The following IL6R variants were observed in gnomAD, a reference collection of about 807,000 sequenced individuals.
The protein encoded by IL6R is interleukin-6 receptor subunit alpha.
A neutral mutation model predicts 48.3 loss-of-function variants in IL6R; 38 were observed. The ratio of observed to expected loss-of-function variants is 0.79; its 90% CI spans 0.61 to 1.03. The LOEUF (loss-of-function observed/expected upper bound fraction) is 1.03, where lower values mean the gene tolerates loss of function less well. IL6R is among the 50% of genes least tolerant of loss of function. IL6R has a pLI of 0.00. For synonymous variants in IL6R, 264 were observed against 256.2 expected, an observed-to-expected ratio of 1.03 and a Z score of -0.29; for missense variants, 534 against 618.3, an observed-to-expected ratio of 0.86 and a Z score of 1.45.
chr1:154,458,741 A>G (rs1557781823), intron 9 of IL6R, among the ~76,000 whole-genome samples: 1 of 152,104 alleles, frequency 6.6e-6, no homozygotes, highest in Non-Finnish European at 1.5e-5. Context: ...TCTCTACTAA[A>G]AATACAAAAA....
chr1:154,437,207 C>T (rs1484025628), intron 6 of IL6R, among the ~76,000 whole-genome samples: 8 of 152,156 alleles, frequency 5.3e-5, no homozygotes, highest in Non-Finnish European at 1.0e-4. Flanking sequence ...TGCCATTCTC[C>T]TGCCTCAGCC....
chr1:154,436,239 C>T (rs1301588462), intron 6 of IL6R, 129 bp downstream of exon 6: 8 of 1,028,176 alleles, frequency 7.8e-6, no homozygotes, highest in Non-Finnish European at 1.1e-5. Flanking sequence ...ACCTGTAATC[C>T]CAGCACTTTG....
intron 9 of IL6R, among the ~76,000 whole-genome samples, chr1:154,459,683 A>G (rs1467645901): frequency 2.0e-5 from 3 of 152,136 alleles, no homozygotes; most frequent in Non-Finnish European, 4.4e-5. Flanking sequence ...TTTAAAATTT[A>G]AATATGCTAT....
In IL6R at chr1:154,465,365, C is replaced by T. The variant is rs2228147; in HGVS notation, c.1392C>T (p.Tyr464=). 302 of 1,614,180 alleles carry T rather than the reference C, an allele frequency of 1.9e-4. 1 individual carries two copies. The African/African-American group carries it at 3.5e-3, about 19-fold the overall frequency. The change falls in exon 10 of 10, where the codon TAC becomes TAT. Residue 464 remains tyrosine (Y), a synonymous_variant. Transcript: ENST00000368485. ...RSPYDISNTD[Y]FFPR Reference sequence around the variant, plus strand: ...CTTATGACATCAGCAATACAGACTACTTCTTCCCCAGATAGCTGGCTGGGT... The same window carrying T: ...CTTATGACATCAGCAATACAGACTATTTCTTCCCCAGATAGCTGGCTGGGT...
Position 154,415,211 on chromosome 1 carries a change from C to CTCCACCCCAT in IL6R, c.85+9505_85+9506insATTCCACCCC, listed in dbSNP as rs372548937. ...TCAAGGCGCCGGCTGCACTGTTCAC[C>CTCCACCCCAT]TCCACCCCCATTCCAATATTTTAAA... On this transcript the variant is annotated intron_variant, in intron 1 of 9. Coordinates refer to ENST00000368485, the MANE Select transcript of IL6R (RefSeq NM_000565.4). The CTCCACCCCAT allele has an allele frequency of 7.1e-4, 468 of 658,884 alleles. 2 individuals carry two copies. The African/African-American group carries it at 7.8e-3, about 11-fold the overall frequency. 40.8% of individuals were successfully genotyped at this position (658,884 alleles called of 1,614,324 possible). A position where few individuals can be genotyped will look rare whatever the true frequency, so the allele number is the denominator to read the frequency against.
intron 6 of IL6R, among the ~76,000 whole-genome samples, chr1:154,447,556 C>T (rs558204390): frequency 0.034 from 4,645 of 134,884 alleles, 314 homozygotes; most frequent in African/African-American, 0.13. Context: ...TACACATACA[C>T]ATATATATAT....
intron 8 of IL6R, among the ~76,000 whole-genome samples, chr1:154,453,023 G>A (rs1690672999): frequency 6.6e-6 from 1 of 151,878 alleles, no homozygotes; most frequent in Non-Finnish European, 1.5e-5. Context: ...TGGGCAACAT[G>A]GCAAAACCTC....
At chr1:154,437,575 A>AT (rs1182188197) in intron 6 of IL6R, 1 of 382,712 alleles carries the variant, frequency 2.6e-6, no homozygotes, top group Non-Finnish European at 5.4e-6. Flanking sequence ...CACAATGCTA[A>AT]TTTTTTAAAA....
chr1:154,429,214 T>A lies in IL6R; in HGVS notation c.104T>A (p.Leu35Gln), dbSNP rs773458420. 6.8e-6 allele frequency: 11 copies of A among 1,613,160 alleles called. No homozygotes were observed. The African/African-American group carries it at 1.5e-4, about 22-fold the overall frequency. ...CCTCCAGAGGTGGCGAGAGGCGTGC[T>A]GACCAGTCTGCCAGGAGACAGCGTG... is the stretch of plus-strand genomic sequence containing the variant. ...CPAQEVARGV[L>Q]TSLPGDSVTL... The change falls in exon 2 of 10, where the codon CTG becomes CAG. Residue 35 changes from leucine to glutamine, a missense_variant. Coordinates refer to ENST00000368485, the MANE Select transcript of IL6R (RefSeq NM_000565.4).
rs1439130261 is a variant in IL6R, at chr1:154,469,379, T to A, written c.*3999T>A. ...GGCAAAGGGTCAGTATATTTTTCAG[T>A]GTTTTTTTTTCTACCAGCTATTTTG... On this transcript the variant is annotated 3_prime_UTR_variant, in exon 10 of 10. Transcript: ENST00000368485. The A allele has an allele frequency of 1.9e-5, 2 of 105,770 alleles. No individual in the cohort carries two copies. The highest frequency in any genetic ancestry group is 4.9e-5 in the Non-Finnish European group (2 of 41,064). The allele number at this position is 105,770 out of a possible 1,614,324, so 6.6% of individuals were successfully genotyped here.
chr1:154,446,368 T>A (rs1410531689), intron 6 of IL6R, among the ~76,000 whole-genome samples: 4 of 152,196 alleles, frequency 2.6e-5, no homozygotes, highest in African/African-American at 4.8e-5. Context: ...TTACTGGTGA[T>A]GGCATACTCC....
At chr1:154,411,928 T>A (rs1688042179) in intron 1 of IL6R, among the ~76,000 whole-genome samples, 1 of 150,554 alleles carries the variant, frequency 6.6e-6, no homozygotes, top group South Asian at 2.1e-4. Context: ...GCTTGATAAA[T>A]GTTATTGATC....
intron 9 of IL6R, 95 bp from the exon 10 acceptor site, chr1:154,465,039 C>A: frequency 6.7e-7 from 1 of 1,491,746 alleles, no homozygotes; most frequent in South Asian, 1.2e-5. Context: ...CGCGCCAGGC[C>A]ACCAGGGCAG....
chr1:154,454,202 G>T (rs79694156), intron 8 of IL6R: 1 of 457,206 alleles, frequency 2.2e-6, no homozygotes. Context: ...AGCCACAGGC[G>T]CTCAGAAACC....
At chr1:154,411,695 G>C (rs576970054) in intron 1 of IL6R, among the ~76,000 whole-genome samples, 1 of 152,080 alleles carries the variant, frequency 6.6e-6, no homozygotes, top group Non-Finnish European at 1.5e-5. Flanking sequence ...GTCACTACAA[G>C]CTTTAAAGTA....
chr1:154,446,125 T>G (rs1336858821), intron 6 of IL6R, among the ~76,000 whole-genome samples: 1 of 152,158 alleles, frequency 6.6e-6, no homozygotes, highest in East Asian at 1.9e-4. Context: ...AGGTCATCCT[T>G]TAGATACCCT....
At chr1:154,414,646 G>A (rs1688228140) in intron 1 of IL6R, 1 of 833,554 alleles carries the variant, frequency 1.2e-6, no homozygotes, top group Admixed American at 1.9e-5. Flanking sequence ...GATGAAGACG[G>A]TGTAGCTCTT....
intron 9 of IL6R, among the ~76,000 whole-genome samples, chr1:154,463,021 C>T (rs1691357733): frequency 6.6e-6 from 1 of 152,012 alleles, no homozygotes; most frequent in African/African-American, 2.4e-5. Context: ...CCAGGCTGGT[C>T]TTGAACTCCT....
In IL6R at chr1:154,465,668, G is replaced by A. The variant is rs1691522320; in HGVS notation, c.*288G>A. ...ATCAAGACTCTTTGGACACTCACAC[G>A]GACACTCAAAAGCTGGGCAGGTTGG... is the stretch of plus-strand genomic sequence containing the variant. On this transcript the variant is annotated 3_prime_UTR_variant, in exon 10 of 10. Coordinates refer to ENST00000368485, the MANE Select transcript of IL6R (RefSeq NM_000565.4). 2.5e-6 allele frequency: 1 copy of A among 407,350 alleles called. No homozygotes were observed. The highest frequency in any genetic ancestry group is 4.6e-6 in the Non-Finnish European group (1 of 218,694). The allele number at this position is 407,350 out of a possible 1,614,324, so 25.2% of individuals were successfully genotyped here.
Sources: gnomAD v4.1 joint callset for allele counts (sites outside exome capture counted in the v4.1 genomes callset) on GRCh38, gnomAD v4.1.1 for gene constraint, MANE v1.5 for transcripts, NCBI Gene and HGNC (gene_info 2026-07-23, HGNC 2026-07-21) for gene names.